The following GLIPR1L2 variants were observed in gnomAD, a reference collection of about 807,000 sequenced individuals.
GLIPR1L2 encodes GLIPR1-like protein 2.
In GLIPR1L2, 21 loss-of-function variants were observed where a neutral mutation model predicts 28.4. The ratio of observed to expected loss-of-function variants is 0.74; its 90% CI spans 0.52 to 1.06. The LOEUF is 1.06. GLIPR1L2 is among the 50% of genes least tolerant of loss of function. The pLI, the probability that GLIPR1L2 is intolerant of heterozygous loss-of-function variation, is 0.00. For missense variants in GLIPR1L2, 476 were observed against 416.9 expected (o/e 1.14, Z -1.23); for synonymous variants, 145 against 139.3 (o/e 1.04, Z -0.29).
At chr12:75,394,077 T>C (rs1463496844) in intron 1 of GLIPR1L2, among the ~76,000 whole-genome samples, 1 of 152,120 alleles carries the variant, frequency 6.6e-6, no homozygotes, top group East Asian at 1.9e-4. Flanking sequence ...AAGAACTATC[T>C]ATTCAAGTCG....
chr12:75,394,431 C>G (rs1008706834), intron 1 of GLIPR1L2, among the ~76,000 whole-genome samples: 1 of 151,834 alleles, frequency 6.6e-6, no homozygotes, highest in Non-Finnish European at 1.5e-5. Context: ...AGGTAAGGGT[C>G]CAGCTTATTC....
At position 75,431,153 on chromosome 12, in the gene GLIPR1L2, G is replaced by A; in HGVS notation, c.1027G>A (p.Glu343Lys). 8.8e-6 allele frequency: 6 copies of A among 678,096 alleles called. No homozygotes were observed. The highest frequency in any genetic ancestry group is 7.3e-6 in the Non-Finnish European group (3 of 409,466). 42.0% of individuals were successfully genotyped at this position (678,096 alleles called of 1,614,324 possible). Residue 343 changes from glutamate (E) to lysine (K), a missense_variant, in exon 6 of 6, where the codon GAA (glutamate) becomes AAA (lysine). Transcript: ENST00000550916. ...ETQKEKMEEE[E>K]K The stretch of plus-strand genomic sequence containing the variant: ...ACAAAAAGAAAAGATGGAGGAAGAG[G>A]AAAAATAAGAGTAGAAAGAGGAGGA...
intron 1 of GLIPR1L2, among the ~76,000 whole-genome samples, chr12:75,397,562 C>T (rs1211781955): frequency 1.3e-5 from 2 of 152,008 alleles, no homozygotes; most frequent in East Asian, 3.9e-4. Flanking sequence ...TTAGCTTTTG[C>T]CTTACTCCCC....
chr12:75,425,414 GA>G (rs915747868), intron 4 of GLIPR1L2, among the ~76,000 whole-genome samples: 2 of 152,142 alleles, frequency 1.3e-5, no homozygotes, highest in African/African-American at 4.8e-5. Flanking sequence ...ATTAGGTGAG[GA>G]AAGTTTTAAT....
chr12:75,404,933 A>G (rs1254274507), intron 1 of GLIPR1L2, among the ~76,000 whole-genome samples: 2 of 152,218 alleles, frequency 1.3e-5, no homozygotes, highest in East Asian at 1.9e-4. Flanking sequence ...GCTAAAACAT[A>G]CATTTTTAAA....
chr12:75,406,076 A>G (rs142507989), intron 1 of GLIPR1L2, among the ~76,000 whole-genome samples: 59 of 150,732 alleles, frequency 3.9e-4, no homozygotes, highest in Middle Eastern at 3.4e-3. Flanking sequence ...TGTGCTTTAT[A>G]TCAACTTTAT....
At chr12:75,409,080 C>T (rs1310874123) in intron 1 of GLIPR1L2, among the ~76,000 whole-genome samples, 1 of 151,946 alleles carries the variant, frequency 6.6e-6, no homozygotes, top group African/African-American at 2.4e-5. Flanking sequence ...TTGAATGCAG[C>T]CCAACACACA....
chr12:75,411,385 C>T lies in GLIPR1L2; in HGVS notation c.480+706C>T, dbSNP rs141331205. 8.2e-4 allele frequency among the ~76,000 whole-genome samples: 125 copies of T among 151,976 alleles called. 1 individual carries two copies. The highest frequency in any genetic ancestry group is 2.7e-3 in the African/African-American group (114 of 41,526). ...ACTTAAAAGTTATTCAATCAATAGACCCTGATGTCACGTTTTATGTAGAAC... is the reference window on the plus strand; with the variant it reads ...ACTTAAAAGTTATTCAATCAATAGATCCTGATGTCACGTTTTATGTAGAAC... On this transcript the variant is annotated intron_variant, in intron 2 of 5. Coordinates refer to ENST00000550916, the MANE Select transcript of GLIPR1L2 (RefSeq NM_001270396.2).
At chr12:75,412,586 A>T (rs1205917011) in intron 2 of GLIPR1L2, among the ~76,000 whole-genome samples, 1 of 152,194 alleles carries the variant, frequency 6.6e-6, no homozygotes, top group Non-Finnish European at 1.5e-5. Context: ...CAAAAAACAC[A>T]TGAAAAAATG....
intron 1 of GLIPR1L2, among the ~76,000 whole-genome samples, chr12:75,393,488 C>T (rs2045652234): frequency 6.6e-6 from 1 of 152,102 alleles, no homozygotes; most frequent in Non-Finnish European, 1.5e-5. Context: ...TAAGTGGAAT[C>T]ATATAATATT....
At chr12:75,397,072 C>A (rs149697905) in intron 1 of GLIPR1L2, among the ~76,000 whole-genome samples, 5 of 152,142 alleles carry the variant, frequency 3.3e-5, no homozygotes, top group Admixed American at 6.5e-5. Flanking sequence ...TCTTGAACTC[C>A]TATTAGATGT....
intron 3 of GLIPR1L2, among the ~76,000 whole-genome samples, chr12:75,419,256 C>T (rs74108779): frequency 0.014 from 2,130 of 152,106 alleles, 43 homozygotes; most frequent in African/African-American, 0.049. Context: ...ATTAATGAAG[C>T]AGTGTGGCAG....
intron 1 of GLIPR1L2, among the ~76,000 whole-genome samples, chr12:75,393,206 A>T (rs1160975707): frequency 3.3e-5 from 5 of 152,066 alleles, no homozygotes; most frequent in African/African-American, 1.2e-4. Context: ...AATACCAAAA[A>T]AATTGTTGTT....
chr12:75,421,755 C>G (rs936640949), intron 3 of GLIPR1L2, among the ~76,000 whole-genome samples: 11 of 152,050 alleles, frequency 7.2e-5, no homozygotes, highest in Non-Finnish European at 1.5e-4. Flanking sequence ...TGGGTTAAAT[C>G]AACTTTGTAA....
At chr12:75,418,007 A>T (rs1256645201) in intron 3 of GLIPR1L2, among the ~76,000 whole-genome samples, 1 of 152,112 alleles carries the variant, frequency 6.6e-6, no homozygotes, top group Non-Finnish European at 1.5e-5. Context: ...AGGGAAAATA[A>T]CTTTTATTTT....
intron 3 of GLIPR1L2, among the ~76,000 whole-genome samples, chr12:75,421,372 T>C (rs1415456232): frequency 6.6e-5 from 10 of 152,238 alleles, no homozygotes; most frequent in Non-Finnish European, 1.3e-4. Flanking sequence ...GGGTATCAGA[T>C]GCCTTATTGG....
chr12:75,393,120 A>G (rs1256939165), intron 1 of GLIPR1L2, among the ~76,000 whole-genome samples: 1 of 152,148 alleles, frequency 6.6e-6, no homozygotes, highest in Non-Finnish European at 1.5e-5. Context: ...ATAAGATCTT[A>G]GAACACAAAT....
chr12:75,414,975 T>C lies in GLIPR1L2; in HGVS notation c.584+1274T>C, dbSNP rs143604458. 3.7e-3 allele frequency among the ~76,000 whole-genome samples: 556 copies of C among 152,068 alleles called. 2 individuals are homozygous for C. The highest frequency in any genetic ancestry group is 0.012 in the African/African-American group (509 of 41,492). On this transcript the variant is annotated intron_variant, in intron 3 of 5. Transcript: ENST00000550916. ...AATATACTGTAAAAAGCAACACTAG[T>C]AAATAGAGAATGACTGGTCTAGAAG...
intron 1 of GLIPR1L2, among the ~76,000 whole-genome samples, chr12:75,406,444 C>T (rs1008131916): frequency 6.6e-6 from 1 of 151,916 alleles, no homozygotes; most frequent in Non-Finnish European, 1.5e-5. Context: ...GGTTAAATTG[C>T]ATGAAATGCA....
Sources: allele counts gnomAD v4.1 joint callset (sites outside exome capture counted in the v4.1 genomes callset), GRCh38; gene constraint gnomAD v4.1.1; transcripts MANE v1.5; gene names NCBI Gene and HGNC (gene_info 2026-07-23, HGNC 2026-07-21).